TMPRSS13: variants seen among roughly 807,000 people sequenced by gnomAD.
TMPRSS13 encodes the protein transmembrane serine protease 13, also known as transmembrane protease serine 13.
TMPRSS13 carries 50 observed loss-of-function variants against 68.4 expected under a neutral mutation model. The ratio of observed to expected loss-of-function variants is 0.73; its 90% confidence interval spans 0.58 to 0.93. TMPRSS13 has a LOEUF of 0.93. TMPRSS13 is among the 40% of genes least tolerant of loss of function. The pLI, the probability that TMPRSS13 is intolerant of heterozygous loss-of-function variation, is 0.00. For synonymous variants in TMPRSS13, 267 were observed against 285.8 expected, an observed-to-expected ratio of 0.93 and a Z score of 0.66; for missense variants, 615 against 729.2, an observed-to-expected ratio of 0.84 and a Z score of 1.80.
chr11:117,925,956 A>G (rs1463030116), intron 1 of TMPRSS13, among the ~76,000 whole-genome samples: 1 of 152,246 alleles, frequency 6.6e-6, no homozygotes, highest in Non-Finnish European at 1.5e-5. Context: ...CTCCTCACCA[A>G]TGACAACATG....
intron 1 of TMPRSS13, among the ~76,000 whole-genome samples, chr11:117,920,043 T>G (rs903321183): frequency 6.6e-6 from 1 of 152,140 alleles, no homozygotes; most frequent in Admixed American, 6.5e-5. Context: ...TGACCCATAG[T>G]GGGGCCCTGT....
At chr11:117,908,441 C>T (rs915626271) in intron 9 of TMPRSS13, 171 bp downstream of exon 9, 2 of 705,348 alleles carry the variant, frequency 2.8e-6, no homozygotes, top group Non-Finnish European at 4.7e-6. Flanking sequence ...GCTTCAGTTT[C>T]CCTAATTATA....
In TMPRSS13 at chr11:117,918,528, G is replaced by A. The variant is rs114258579; in HGVS notation, c.332C>T (p.Ser111Leu). Residue 111 changes from serine to leucine, a missense_variant, in exon 2 of 13, where the codon TCG becomes TTG. Ser to Leu is a moderately radical substitution (Grantham distance 145, BLOSUM62 -2). Coordinates refer to ENST00000524993, the MANE Select transcript of TMPRSS13 (RefSeq NM_001077263.3). ...CACTCTGGTTGGGGAGGTTGTCACC[G>A]AGGCTGACCTGGCGGATGATGACCT... ...SGRSSSARSA[S>L]VTTSPTRVYL... 1.9e-4 allele frequency: 306 copies of A among 1,614,216 alleles called. No homozygotes were observed. The African/African-American group carries it at 3.3e-3, about 17-fold the overall frequency.
chr11:117,917,220 A>G lies in TMPRSS13; in HGVS notation c.506T>C (p.Ile169Thr). 1 of 1,613,100 alleles carries G rather than the reference A, an allele frequency of 6.2e-7. No individual in the cohort carries two copies. The highest frequency in any genetic ancestry group is 2.2e-5 in the East Asian group (1 of 44,886). The stretch of plus-strand genomic sequence containing the variant: ...GGCAATGAGGAGGAGCACGCACCCG[A>G]TGAGCGGTAGCTGCTTCTGGCCCTC... Reference protein sequence around the residue: ...WREGQKQLPLIGCVLLLIALV... With the variant: ...WREGQKQLPLTGCVLLLIALV... Residue 169 changes from isoleucine to threonine, a missense_variant, in exon 3 of 13, where the codon ATC (isoleucine) becomes ACC (threonine). Ile to Thr is a moderately conservative substitution (Grantham distance 89, BLOSUM62 -1). Transcript: ENST00000524993.
In TMPRSS13 at chr11:117,911,894, C is replaced by T. The variant is rs1238460239; in HGVS notation, c.810-34G>A. On this transcript the variant is annotated intron_variant, in intron 5 of 12. Coordinates refer to ENST00000524993, the MANE Select transcript of TMPRSS13 (RefSeq NM_001077263.3). Reference sequence around the variant, plus strand: ...GAGCAGAGGGGAGAAGAATGAGCCCCCTGGAGACAGAGTCATCCCAAGTCC... The same window carrying T: ...GAGCAGAGGGGAGAAGAATGAGCCCTCTGGAGACAGAGTCATCCCAAGTCC... 5.1e-6 allele frequency: 8 copies of T among 1,576,082 alleles called. No homozygotes were observed. In the East Asian group the frequency reaches 1.8e-4, roughly 35 times the overall value.
Position 117,909,988 on chromosome 11 carries a change from G to C in TMPRSS13, c.947-20C>G. Reference sequence around the variant, plus strand: ...CGCAGTCTGGAGGGAAGGAGTAGACGTACTGTGAACCCTGTTTCTCCCAGG... The same window carrying C: ...CGCAGTCTGGAGGGAAGGAGTAGACCTACTGTGAACCCTGTTTCTCCCAGG... On this transcript the variant is annotated intron_variant, in intron 7 of 12. Coordinates refer to ENST00000524993, the MANE Select transcript of TMPRSS13 (RefSeq NM_001077263.3). 1 of 1,609,062 alleles carries C rather than the reference G, an allele frequency of 6.2e-7. No individual in the cohort carries two copies. The highest frequency in any genetic ancestry group is 8.5e-7 in the Non-Finnish European group (1 of 1,175,802).
chr11:117,906,481 T>C (rs965825131), intron 9 of TMPRSS13, among the ~76,000 whole-genome samples: 5 of 152,250 alleles, frequency 3.3e-5, no homozygotes, highest in Non-Finnish European at 5.9e-5. Context: ...CCCTTTGTTA[T>C]ATTCACTGCA....
intron 1 of TMPRSS13, among the ~76,000 whole-genome samples, chr11:117,928,380 TG>T (rs1237431339): frequency 1.3e-5 from 2 of 152,088 alleles, no homozygotes; most frequent in Non-Finnish European, 2.9e-5. Flanking sequence ...AGAAACACAT[TG>T]GGGGTGCAGA....
At chr11:117,911,897 G>T (rs376447143) in intron 5 of TMPRSS13, 37 bp from the exon 6 acceptor site, 44 of 1,560,912 alleles carry the variant, frequency 2.8e-5, no homozygotes, top group Middle Eastern at 3.4e-4. Context: ...TGAGCCCCCT[G>T]GAGACAGAGT....
In TMPRSS13 at chr11:117,929,335, C is replaced by G; in HGVS notation, c.-28G>C. On this transcript the variant is annotated 5_prime_UTR_variant, in exon 1 of 13. Coordinates refer to ENST00000524993, the MANE Select transcript of TMPRSS13 (RefSeq NM_001077263.3). Reference sequence around the variant, plus strand: ...TCTCTGAGGGGAAGAGTCCTCCAGGCTTAGCTGATGTCGAGGAGAAGATCC... The same window carrying G: ...TCTCTGAGGGGAAGAGTCCTCCAGGGTTAGCTGATGTCGAGGAGAAGATCC... The G allele has an allele frequency of 6.2e-7, 1 of 1,602,920 alleles. No homozygotes were observed. Among genetic ancestry groups the G allele is most frequent in the Non-Finnish European group, 8.5e-7 (1 of 1,174,676 alleles).
intron 2 of TMPRSS13, 120 bp downstream of exon 2, chr11:117,918,289 T>G (rs1477227184): frequency 1.9e-5 from 12 of 617,836 alleles, no homozygotes; most frequent in Non-Finnish European, 2.5e-5. Context: ...CCCACCCCCC[T>G]ACCTCCCCTT....
chr11:117,917,419 C>A, intron 2 of TMPRSS13, 145 bp from the exon 3 acceptor site: 1 of 621,210 alleles, frequency 1.6e-6, no homozygotes, highest in Non-Finnish European at 2.8e-6. Flanking sequence ...TTATGGGGCT[C>A]AAAGTCAATT....
At chr11:117,912,988 T>C (rs542555951) in intron 5 of TMPRSS13, among the ~76,000 whole-genome samples, 10 of 152,286 alleles carry the variant, frequency 6.6e-5, no homozygotes, top group African/African-American at 2.2e-4. Flanking sequence ...CCCCCTTTCA[T>C]GGATCTGGAC....
intron 3 of TMPRSS13, among the ~76,000 whole-genome samples, chr11:117,916,096 C>T (rs891764033): frequency 7.9e-5 from 12 of 152,200 alleles, no homozygotes; most frequent in Non-Finnish European, 1.8e-4. Flanking sequence ...TGCCAGCAGA[C>T]GTTTCCACAC....
At chr11:117,907,263 C>T (rs1029132467) in intron 9 of TMPRSS13, among the ~76,000 whole-genome samples, 2 of 152,064 alleles carry the variant, frequency 1.3e-5, no homozygotes, top group South Asian at 2.1e-4. Context: ...CATCCCTCAC[C>T]TCAGCCCTGG....
rs937690039 is a variant in TMPRSS13, at chr11:117,915,211, T to A, written c.557-697A>T. ...ATATGTGCAAATCTGCTTCACGACTTCCTCCCTCTCTAACAGCAATCTCTT... is the reference window on the plus strand; with the variant it reads ...ATATGTGCAAATCTGCTTCACGACTACCTCCCTCTCTAACAGCAATCTCTT... On this transcript the variant is annotated intron_variant, in intron 3 of 12. Coordinates refer to ENST00000524993, the MANE Select transcript of TMPRSS13 (RefSeq NM_001077263.3). The surrounding 1 kb of genome is among the most constrained non-coding windows in gnomAD (Gnocchi z 4.9). Among the ~76,000 whole-genome samples, 4 of 152,070 alleles carry A rather than the reference T, an allele frequency of 2.6e-5. No individual in the cohort carries two copies.
At chr11:117,911,695 C>T (rs2057524575) in intron 6 of TMPRSS13, 73 bp downstream of exon 6, 1 of 1,266,006 alleles carries the variant, frequency 7.9e-7, no homozygotes, top group East Asian at 2.3e-5. Flanking sequence ...AAGGGGGCTC[C>T]CTGACTCAAA....
chr11:117,912,206 C>T (rs1009087296), intron 5 of TMPRSS13, among the ~76,000 whole-genome samples: 3 of 152,168 alleles, frequency 2.0e-5, no homozygotes, highest in Non-Finnish European at 4.4e-5. Context: ...CCAGCGATCA[C>T]CATTTTAACA....
Position 117,903,174 on chromosome 11 carries a change from G to C in TMPRSS13, c.1677+481C>G. 2.2e-6 allele frequency: 3 copies of C among 1,386,544 alleles called. No individual in the cohort carries two copies. In the South Asian group the frequency reaches 5.1e-5, roughly 23 times the overall value. The allele number at this position is 1,386,544 out of a possible 1,614,324, so 85.9% of individuals were successfully genotyped here. A position where few individuals can be genotyped will look rare whatever the true frequency, so the allele number is the denominator to read the frequency against. ...CTGGTGACAGCTGTGAAAGTTGTCA[G>C]AGTTAAAATGGAGTCACTTGTGTTT... On this transcript the variant is annotated intron_variant, in intron 12 of 12. Coordinates refer to ENST00000524993, the MANE Select transcript of TMPRSS13 (RefSeq NM_001077263.3).
Sources: gnomAD v4.1 joint callset for allele counts (sites outside exome capture counted in the v4.1 genomes callset) on GRCh38, gnomAD v4.1.1 for gene constraint, Gnocchi (gnomAD v3.1) non-coding constraint, MANE v1.5 for transcripts, NCBI Gene and HGNC (gene_info 2026-07-23, HGNC 2026-07-21) for gene names.